BNC2: variants seen among roughly 807,000 people sequenced by gnomAD.
BNC2 encodes zinc finger protein basonuclin-2.
A neutral mutation model predicts 76.3 loss-of-function variants in BNC2; 20 were observed. The observed-to-expected ratio is 0.26, with a 90% CI of 0.18 to 0.38. The LOEUF (loss-of-function observed/expected upper bound fraction) is 0.38, where lower values mean the gene tolerates loss of function less well. BNC2 is among the 10% of genes least tolerant of loss of function. The probability of loss-of-function intolerance (pLI) is 1.00; values close to 1 mark genes in which losing one functional copy is unlikely to be tolerated. For missense variants in BNC2, 1,382 were observed against 1,399.8 expected (o/e 0.99, Z 0.20); for synonymous variants, 582 against 514.8 (o/e 1.13, Z -1.77).
intron 3 of BNC2, among the ~76,000 whole-genome samples, chr9:16,670,780 G>A (rs146795428): frequency 5.8e-4 from 88 of 152,306 alleles, no homozygotes; most frequent in African/African-American, 1.9e-3. Context: ...TGCAAGAAAA[G>A]AGAAATTCAG....
chr9:16,837,729 C>T (rs1446200258), intron 1 of BNC2, among the ~76,000 whole-genome samples: 1 of 152,126 alleles, frequency 6.6e-6, no homozygotes, highest in Non-Finnish European at 1.5e-5. Flanking sequence ...TATTCTTGAA[C>T]CATTTCAAAG....
intron 3 of BNC2, among the ~76,000 whole-genome samples, chr9:16,642,533 G>A (rs1821517548): frequency 6.6e-6 from 1 of 152,110 alleles, no homozygotes; most frequent in Non-Finnish European, 1.5e-5. Context: ...CCTTCCCACA[G>A]CATGTGCCTC....
chr9:16,770,965 G>A (rs997872407), intron 1 of BNC2, among the ~76,000 whole-genome samples: 1 of 152,086 alleles, frequency 6.6e-6, no homozygotes, highest in Admixed American at 6.5e-5. Context: ...GAGGCCAGGC[G>A]TTCATGACCA....
intron 3 of BNC2, among the ~76,000 whole-genome samples, chr9:16,612,439 T>A (rs7870508): frequency 0.86 from 131,547 of 152,152 alleles, 58,027 homozygotes; most frequent in East Asian, 0.98. Context: ...TTCCATCCTT[T>A]TATTAGAGTA....
chr9:16,446,857 G>T (rs942890772), intron 5 of BNC2, among the ~76,000 whole-genome samples: 7 of 152,000 alleles, frequency 4.6e-5, no homozygotes, highest in Non-Finnish European at 7.4e-5. Flanking sequence ...GGCCTGTCAG[G>T]ATTTCTTCCT....
intron 1 of BNC2, among the ~76,000 whole-genome samples, chr9:16,853,216 A>G (rs1819169398): frequency 6.6e-6 from 1 of 151,984 alleles, no homozygotes; most frequent in African/African-American, 2.4e-5. Flanking sequence ...TCAGGAGTTC[A>G]TGACCAGCCT....
At chr9:16,723,623 T>C (rs1294328825) in intron 3 of BNC2, among the ~76,000 whole-genome samples, 1 of 152,152 alleles carries the variant, frequency 6.6e-6, no homozygotes, top group African/African-American at 2.4e-5. Context: ...CTGTTTTAAA[T>C]GGATTCTAGC....
intron 1 of BNC2, among the ~76,000 whole-genome samples, chr9:16,793,207 T>C (rs1817559115): frequency 6.6e-6 from 1 of 152,240 alleles, no homozygotes; most frequent in South Asian, 2.1e-4. Flanking sequence ...ACAATGTTTT[T>C]TTAGACTATT....
intron 5 of BNC2, among the ~76,000 whole-genome samples, chr9:16,499,530 C>CTTTTTTTTTT (rs763681726): frequency 3.9e-5 from 5 of 127,106 alleles, no homozygotes; most frequent in East Asian, 2.3e-4. Context: ...CTTTTTTTTT[C>CTTTTTTTTTT]TTTTTTTTTT....
chr9:16,797,612 A>C (rs1222472598), intron 1 of BNC2, among the ~76,000 whole-genome samples: 1 of 152,216 alleles, frequency 6.6e-6, no homozygotes, highest in African/African-American at 2.4e-5. Context: ...AGAGTGTCAC[A>C]CAAGTCCAAA....
chr9:16,648,758 C>T (rs1821709975), intron 3 of BNC2, among the ~76,000 whole-genome samples: 1 of 152,172 alleles, frequency 6.6e-6, no homozygotes, highest in Non-Finnish European at 1.5e-5. Flanking sequence ...TTGACCAATT[C>T]CACATTAGAC....
At chr9:16,606,075 G>A (rs546484533) in intron 3 of BNC2, among the ~76,000 whole-genome samples, 1 of 152,148 alleles carries the variant, frequency 6.6e-6, no homozygotes, top group Admixed American at 6.5e-5. Context: ...CATTTAGAGT[G>A]CCTGCTGCTA....
rs570442326 is a variant in BNC2, at chr9:16,762,624, T to A, written c.4-24139A>T. On this transcript the variant is annotated intron_variant, in intron 1 of 6. Coordinates refer to ENST00000380672, the MANE Select transcript of BNC2 (RefSeq NM_017637.6). The stretch of plus-strand genomic sequence containing the variant: ...TGTCTCAATTTTCTATTTTCATTTT[T>A]GTGTTCCTGGTTTTGCTATTTGTTC... Among the ~76,000 whole-genome samples the A allele has an allele frequency of 6.4e-4, 97 of 152,300 alleles. 1 individual carries two copies. Among genetic ancestry groups the A allele is most frequent in the Middle Eastern group, 3.4e-3 (1 of 294 alleles).
chr9:16,809,550 T>C (rs1455794382), intron 1 of BNC2, among the ~76,000 whole-genome samples: 1 of 152,122 alleles, frequency 6.6e-6, no homozygotes, highest in African/African-American at 2.4e-5. Flanking sequence ...ACCTGCTGAA[T>C]TCCCTTCCTA....
rs1468860600 is a variant in BNC2 at position 16,418,604 on chromosome 9, CA to C, written c.*384del. On this transcript the variant is annotated 3_prime_UTR_variant, in exon 7 of 7. Coordinates refer to ENST00000380672, the MANE Select transcript of BNC2 (RefSeq NM_017637.6). ...TTGCAGGCAACAGTCATGGGTACAACAAATTGTCTCTTTGGGGAAGACCAAG... is the reference window on the plus strand; with the variant it reads ...TTGCAGGCAACAGTCATGGGTACAACAATTGTCTCTTTGGGGAAGACCAAG... 1 of 173,864 alleles carries C rather than the reference CA, an allele frequency of 5.8e-6. No individual in the cohort carries two copies. The highest frequency in any genetic ancestry group is 1.2e-5 in the Non-Finnish European group (1 of 83,196). 10.8% of individuals were successfully genotyped at this position (173,864 alleles called of 1,614,324 possible).
chr9:16,751,264 T>C (rs1825184155), intron 1 of BNC2, among the ~76,000 whole-genome samples: 1 of 105,384 alleles, frequency 9.5e-6, no homozygotes, highest in South Asian at 2.3e-4. Flanking sequence ...TTGAAAATGG[T>C]TTAAAAAAAA....
intron 3 of BNC2, among the ~76,000 whole-genome samples, chr9:16,709,551 C>G (rs1823773970): frequency 6.6e-6 from 1 of 152,070 alleles, no homozygotes; most frequent in Admixed American, 6.5e-5. Flanking sequence ...TTAAAGAACT[C>G]AGATGCCAGC....
chr9:16,710,001 T>G (rs1587340531), intron 3 of BNC2, among the ~76,000 whole-genome samples: 1 of 152,344 alleles, frequency 6.6e-6, no homozygotes, highest in Non-Finnish European at 1.5e-5. Context: ...GAGGCATTCT[T>G]ATTTGCTACA....
rs1176573872 is a variant in BNC2, at chr9:16,416,614, T to C, written c.*2375A>G. ...AGCTTTTTACCATAAACACTTGTCA[T>C]TTAACATAGTGTTTGATATAGTTTC... On this transcript the variant is annotated 3_prime_UTR_variant, in exon 7 of 7. Coordinates refer to ENST00000380672, the MANE Select transcript of BNC2 (RefSeq NM_017637.6). 2.0e-5 allele frequency: 3 copies of C among 152,638 alleles called. No homozygotes were observed. The highest frequency in any genetic ancestry group is 4.4e-5 in the Non-Finnish European group (3 of 68,034). The allele number at this position is 152,638 out of a possible 1,614,324, so 9.5% of individuals were successfully genotyped here. A position where few individuals can be genotyped will look rare whatever the true frequency, so the allele number is the denominator to read the frequency against.
Sources: allele counts gnomAD v4.1 joint callset (sites outside exome capture counted in the v4.1 genomes callset), GRCh38; gene constraint gnomAD v4.1.1; transcripts MANE v1.5; gene names NCBI Gene and HGNC (gene_info 2026-07-23, HGNC 2026-07-21).